Variants in C15orf61 observed in about 807,000 individuals in gnomAD.
The protein encoded by C15orf61 is chromosome 15 open reading frame 61, also known as uncharacterized protein C15orf61.
C15orf61 carries 12 observed loss-of-function variants against 13.7 expected under a neutral mutation model. The observed-to-expected ratio is 0.88, with a 90% CI of 0.56 to 1.42. The LOEUF (loss-of-function observed/expected upper bound fraction) is 1.42. Ranked by LOEUF, C15orf61 falls within the 40% of genes most tolerant of loss-of-function variation. The probability of loss-of-function intolerance (pLI) is 0.00; values close to 1 mark genes in which losing one functional copy is unlikely to be tolerated. For synonymous variants in C15orf61, 92 were observed against 94.1 expected, an observed-to-expected ratio of 0.98 and a Z score of 0.13; for missense variants, 248 against 213.2, an observed-to-expected ratio of 1.16 and a Z score of -1.02.
Position 67,526,483 on chromosome 15 carries a change from ACC to A in C15orf61, c.413_414del (p.Thr138LysfsTer12). 6.5e-7 allele frequency: 1 copy of A among 1,541,870 alleles called. No individual in the cohort carries two copies. Among genetic ancestry groups the A allele is most frequent in the Non-Finnish European group, 8.8e-7 (1 of 1,138,298 alleles). ...LFARVTETVH[T>X]SYGPITVYFL... ...TGCCAGAGTCACAGAGACTGTGCAT[ACC>A]AGTTATGGACCCATAACAGTTTATT... On this transcript the variant is annotated frameshift_variant, in exon 2 of 2. Transcript: ENST00000342683. LOFTEE classifies it high-confidence loss of function.
chr15:67,523,867 A>G (rs1025432495), intron 1 of C15orf61, among the ~76,000 whole-genome samples: 4 of 152,100 alleles, frequency 2.6e-5, no homozygotes, highest in Non-Finnish European at 5.9e-5. Context: ...CAGCAAGGGG[A>G]AAAAAATACA....
At chr15:67,523,504 A>G (rs2084180861) in intron 1 of C15orf61, among the ~76,000 whole-genome samples, 1 of 152,132 alleles carries the variant, frequency 6.6e-6, no homozygotes, top group African/African-American at 2.4e-5. Context: ...CTGATGGTTT[A>G]CCAGTCTAGG....
chr15:67,522,322 G>A, intron 1 of C15orf61: 2 of 679,502 alleles, frequency 2.9e-6, no homozygotes, highest in South Asian at 1.6e-5. Context: ...CTTACTAATA[G>A]CTGGCATAAA....
chr15:67,523,181 A>G (rs1312655932), intron 1 of C15orf61, among the ~76,000 whole-genome samples: 1 of 152,192 alleles, frequency 6.6e-6, no homozygotes, highest in African/African-American at 2.4e-5. Context: ...ATGCTTTAAT[A>G]CAAATTGGGA....
rs62015090 is a variant in C15orf61 at position 67,525,598 on chromosome 15, G to A, written c.347-820G>A. On this transcript the variant is annotated intron_variant, in intron 1 of 1. Transcript: ENST00000342683. The surrounding 1 kb of genome is among the most constrained non-coding windows in gnomAD (Gnocchi z 4.9). Reference sequence around the variant, plus strand: ...AATAATAGTTTTTTTTCTCATGCCTGTTGTACTGAAATCTTACTTGGAGTT... The same window carrying A: ...AATAATAGTTTTTTTTCTCATGCCTATTGTACTGAAATCTTACTTGGAGTT... Among the ~76,000 whole-genome samples the A allele has an allele frequency of 6.6e-6, 1 of 152,136 alleles. No individual in the cohort carries two copies. Among genetic ancestry groups the A allele is most frequent in the African/African-American group, 2.4e-5 (1 of 41,434 alleles).
Position 67,527,722 on chromosome 15 carries a change from G to T in C15orf61, c.*1177G>T, listed in dbSNP as rs2084206663. On this transcript the variant is annotated 3_prime_UTR_variant, in exon 2 of 2. Coordinates refer to ENST00000342683, the MANE Select transcript of C15orf61 (RefSeq NM_001143936.2). ...GAGAAAGTGAGTGGAAGTGACTGAG[G>T]TGAAGGCACCAGAATAATGAAGTAA... The T allele has an allele frequency of 6.6e-6, 1 of 152,186 alleles. No homozygotes were observed. Among genetic ancestry groups the T allele is most frequent in the Non-Finnish European group, 1.5e-5 (1 of 68,016 alleles). The allele number at this position is 152,186 out of a possible 1,614,324, so 9.4% of individuals were successfully genotyped here.
rs928136555 is a variant in C15orf61, at chr15:67,521,417, G to A, written c.169G>A (p.Ala57Thr). 50 of 1,544,780 alleles carry A rather than the reference G, an allele frequency of 3.2e-5. No homozygotes were observed. The highest frequency in any genetic ancestry group is 1.8e-4 in the Admixed American group (9 of 50,972). ...HWTSFCVPYS[A>T]VRNDQFGLSH... ...GACCTCCTTCTGCGTGCCCTACAGC[G>A]CCGTCCGCAACGACCAGTTCGGCCT... Residue 57 changes from alanine to threonine, a missense_variant, in exon 1 of 2, where the codon GCC (alanine) becomes ACC (threonine). Coordinates refer to ENST00000342683, the MANE Select transcript of C15orf61 (RefSeq NM_001143936.2).
chr15:67,521,821 C>T (rs1490940084), intron 1 of C15orf61: 1 of 614,342 alleles, frequency 1.6e-6, no homozygotes, highest in African/African-American at 1.9e-5. Flanking sequence ...GGCGCGTCCT[C>T]GGGCCTAGGG....
In C15orf61 at chr15:67,528,126, C is replaced by T. The variant is rs943011465; in HGVS notation, c.*1581C>T. ...AGTGGCTGTAAAGGTTTGGTCCCAA[C>T]ACAAGGCTGATAAAATGGTCTTTAA... On this transcript the variant is annotated 3_prime_UTR_variant, in exon 2 of 2. Coordinates refer to ENST00000342683, the MANE Select transcript of C15orf61 (RefSeq NM_001143936.2). The T allele has an allele frequency of 6.6e-6, 1 of 152,238 alleles. No homozygotes were observed. Among genetic ancestry groups the T allele is most frequent in the Non-Finnish European group, 1.5e-5 (1 of 68,054 alleles). The allele number at this position is 152,238 out of a possible 1,614,324, so 9.4% of individuals were successfully genotyped here.
At position 67,528,787 on chromosome 15, in the gene C15orf61, G is replaced by T. The variant is rs1452443297; in HGVS notation, c.*2242G>T. ...GTCTTGGTTTTTCCACCTGTAATCT[G>T]AGAAGAACGAAACAAGAGACATTTC... On this transcript the variant is annotated 3_prime_UTR_variant, in exon 2 of 2. Coordinates refer to ENST00000342683, the MANE Select transcript of C15orf61 (RefSeq NM_001143936.2). The T allele has an allele frequency of 6.6e-6, 1 of 152,144 alleles. No homozygotes were observed. Among genetic ancestry groups the T allele is most frequent in the Non-Finnish European group, 1.5e-5 (1 of 68,038 alleles). The allele number at this position is 152,144 out of a possible 1,614,324, so 9.4% of individuals were successfully genotyped here.
rs767896599 is a variant in C15orf61, at chr15:67,526,688, T to C, written c.*143T>C. The C allele has an allele frequency of 4.1e-5, 33 of 808,328 alleles. No homozygotes were observed. In the African/African-American group the frequency reaches 5.3e-4, roughly 13 times the overall value. The allele number at this position is 808,328 out of a possible 1,614,324, so 50.1% of individuals were successfully genotyped here. Reference sequence around the variant, plus strand: ...GCTTCTTTAAGATGAATCATTGCCCTCAAGAGGTGAAGCTTTTTATACATC... The same window carrying C: ...GCTTCTTTAAGATGAATCATTGCCCCCAAGAGGTGAAGCTTTTTATACATC... On this transcript the variant is annotated 3_prime_UTR_variant, in exon 2 of 2. Transcript: ENST00000342683.
intron 1 of C15orf61, chr15:67,522,188 A>T: frequency 1.1e-5 from 8 of 702,034 alleles, no homozygotes; most frequent in Non-Finnish European, 2.1e-5. Context: ...CGCCCTGAGG[A>T]TGTTTACTGT....
intron 1 of C15orf61, 30 bp from the exon 2 acceptor site, chr15:67,526,388 G>A: frequency 3.5e-6 from 5 of 1,410,566 alleles, no homozygotes; most frequent in Non-Finnish European, 4.8e-6. Context: ...AATAAGCATT[G>A]ATGTTTATAC....
Position 67,526,469 on chromosome 15 carries a change from C to T in C15orf61, c.398C>T (p.Thr133Ile), listed in dbSNP as rs762723224. ...GLGSWLFARV[T>I]ETVHTSYGPI... is the part of the protein sequence containing the mutation. ...GGCTCCTGGTTATTTGCCAGAGTCACAGAGACTGTGCATACCAGTTATGGA... is the reference window on the plus strand; with the variant it reads ...GGCTCCTGGTTATTTGCCAGAGTCATAGAGACTGTGCATACCAGTTATGGA... Residue 133 changes from threonine (T) to isoleucine (I), a missense_variant, in exon 2 of 2, where the codon ACA becomes ATA. Physicochemically the swap from Thr to Ile is moderately conservative, Grantham distance 89 (BLOSUM62 -1). Coordinates refer to ENST00000342683, the MANE Select transcript of C15orf61 (RefSeq NM_001143936.2). 23 of 1,541,092 alleles carry T rather than the reference C, an allele frequency of 1.5e-5. No individual in the cohort carries two copies. Among genetic ancestry groups the T allele is most frequent in the Non-Finnish European group, 1.9e-5 (22 of 1,137,744 alleles).
rs761947636 is a variant in C15orf61, at chr15:67,528,245, T to A, written c.*1700T>A. On this transcript the variant is annotated 3_prime_UTR_variant, in exon 2 of 2. Transcript: ENST00000342683. Reference sequence around the variant, plus strand: ...GATAATTTGTACTGCTGACTCTGCTTACCTGTTTTTCAATAGCTATAGTCA... The same window carrying A: ...GATAATTTGTACTGCTGACTCTGCTAACCTGTTTTTCAATAGCTATAGTCA... 4 of 152,230 alleles carry A rather than the reference T, an allele frequency of 2.6e-5. No individual in the cohort carries two copies. The highest frequency in any genetic ancestry group is 5.9e-5 in the Non-Finnish European group (4 of 68,032). The allele number at this position is 152,230 out of a possible 1,614,324, so 9.4% of individuals were successfully genotyped here. A position where few individuals can be genotyped will look rare whatever the true frequency, so the allele number is the denominator to read the frequency against.
chr15:67,525,583 T>C lies in C15orf61; in HGVS notation c.347-835T>C, dbSNP rs1328145115. On this transcript the variant is annotated intron_variant, in intron 1 of 1. Transcript: ENST00000342683. The surrounding 1 kb of genome is among the most constrained non-coding windows in gnomAD (Gnocchi z 4.9). The stretch of plus-strand genomic sequence containing the variant: ...AATTGAAAAAATGCTAATAATAGTT[T>C]TTTTTCTCATGCCTGTTGTACTGAA... Among the ~76,000 whole-genome samples the C allele has an allele frequency of 6.6e-6, 1 of 152,212 alleles. No individual in the cohort carries two copies. The highest frequency in any genetic ancestry group is 2.4e-5 in the African/African-American group (1 of 41,464).
At position 67,529,120 on chromosome 15, in the gene C15orf61, T is replaced by C. The variant is rs1201748006; in HGVS notation, c.*2575T>C. 1.3e-5 allele frequency: 2 copies of C among 152,218 alleles called. No homozygotes were observed. Among genetic ancestry groups the C allele is most frequent in the African/African-American group, 2.4e-5 (1 of 41,464 alleles). 9.4% of individuals were successfully genotyped at this position (152,218 alleles called of 1,614,324 possible). A position where few individuals can be genotyped will look rare whatever the true frequency, so the allele number is the denominator to read the frequency against. ...TATCTTTAATCCAACCAAAACTGTT[T>C]TAATAAAGGTGTACTTTTAGTACAA... On this transcript the variant is annotated 3_prime_UTR_variant, in exon 2 of 2. Transcript: ENST00000342683. This position sits in a 1 kb window ranked among gnomAD's most constrained non-coding sequence, Gnocchi z 4.4.
rs2084210723 is a variant in C15orf61, at chr15:67,528,487, A to T, written c.*1942A>T. 6.6e-6 allele frequency: 1 copy of T among 152,248 alleles called. No homozygotes were observed. Among genetic ancestry groups the T allele is most frequent in the Admixed American group, 6.5e-5 (1 of 15,286 alleles). The allele number at this position is 152,248 out of a possible 1,614,324, so 9.4% of individuals were successfully genotyped here. On this transcript the variant is annotated 3_prime_UTR_variant, in exon 2 of 2. Transcript: ENST00000342683. Reference sequence around the variant, plus strand: ...TGCTCTTACGGAGTTGATCATGGTGAAGGATGAACTAACTCAACAATGGGT... The same window carrying T: ...TGCTCTTACGGAGTTGATCATGGTGTAGGATGAACTAACTCAACAATGGGT...
At chr15:67,523,651 AATT>A (rs1434033497) in intron 1 of C15orf61, among the ~76,000 whole-genome samples, 1 of 152,194 alleles carries the variant, frequency 6.6e-6, no homozygotes, top group Admixed American at 6.5e-5. Context: ...ACTCAAAGTG[AATT>A]ATTATGCAAA....
Sources: allele counts gnomAD v4.1 joint callset (sites outside exome capture counted in the v4.1 genomes callset), GRCh38; gene constraint gnomAD v4.1.1; non-coding constraint Gnocchi (gnomAD v3.1); transcripts MANE v1.5; gene names NCBI Gene and HGNC (gene_info 2026-07-23, HGNC 2026-07-21).